The following RPRD1A variants were observed in gnomAD, a reference collection of about 807,000 sequenced individuals.
RPRD1A encodes regulation of nuclear pre-mRNA domain-containing protein 1A.
In RPRD1A, 9 loss-of-function variants were observed where a neutral mutation model predicts 37.8. The ratio of observed to expected loss-of-function variants is 0.24; its 90% CI spans 0.14 to 0.42. RPRD1A has a LOEUF of 0.42. Ranked by LOEUF, RPRD1A falls within the 10% of genes least tolerant of loss-of-function variation. RPRD1A has a pLI of 1.00. For synonymous variants in RPRD1A, 138 were observed against 139.7 expected (o/e 0.99, Z 0.08); for missense variants, 255 against 371.0 (o/e 0.69, Z 2.57).
At chr18:36,049,173 T>C (rs527461739) in intron 1 of RPRD1A, among the ~76,000 whole-genome samples, 21 of 152,348 alleles carry the variant, frequency 1.4e-4, no homozygotes, top group African/African-American at 5.0e-4. Context: ...CCCAAAGTGC[T>C]GGGATTACAG....
chr18:36,060,980 T>C (rs1482542475), intron 1 of RPRD1A, among the ~76,000 whole-genome samples: 1 of 151,826 alleles, frequency 6.6e-6, no homozygotes, highest in East Asian at 1.9e-4. Context: ...AAAAAAAATT[T>C]AGGAAACAAA....
intron 1 of RPRD1A, 43 bp downstream of exon 1, chr18:36,067,211 C>T: frequency 1.3e-6 from 2 of 1,520,524 alleles, no homozygotes; most frequent in East Asian, 2.5e-5. Flanking sequence ...GCCTGGAGGC[C>T]GGCCGGGTGG....
chr18:36,036,112 G>T (rs59649576), intron 1 of RPRD1A, among the ~76,000 whole-genome samples: 39,240 of 151,172 alleles, frequency 0.26, 5,330 homozygotes, highest in African/African-American at 0.35. Context: ...TGTTTTTTTT[G>T]TTTGAGACAA....
At chr18:35,997,899 T>G (rs1909180580) in intron 6 of RPRD1A, among the ~76,000 whole-genome samples, 1 of 152,210 alleles carries the variant, frequency 6.6e-6, no homozygotes, top group South Asian at 2.1e-4. Context: ...AAACTTCAAT[T>G]AGTTAACTAC....
At chr18:36,025,379 A>C (rs1911292487) in intron 6 of RPRD1A, 1 of 311,158 alleles carries the variant, frequency 3.2e-6, no homozygotes, top group Non-Finnish European at 6.2e-6. Flanking sequence ...TCAGCCTCAT[A>C]ATCTATGACT....
rs554914244 is a variant in RPRD1A at position 36,054,126 on chromosome 18, A to G, written c.151+13128T>C. On this transcript the variant is annotated intron_variant, in intron 1 of 6. Transcript: ENST00000399022. Reference sequence around the variant, plus strand: ...TCATCAAGTCATCAGCATATTTATGACAGAAAGTAAAAACACCATATAAAG... The same window carrying G: ...TCATCAAGTCATCAGCATATTTATGGCAGAAAGTAAAAACACCATATAAAG... Among the ~76,000 whole-genome samples the G allele has an allele frequency of 6.2e-4, 94 of 152,310 alleles. No homozygotes were observed. In the South Asian group the frequency reaches 0.017, roughly 28 times the overall value.
chr18:36,030,965 G>GT, intron 3 of RPRD1A, 26 bp downstream of exon 3: 1 of 1,595,096 alleles, frequency 6.3e-7, no homozygotes, highest in Non-Finnish European at 8.6e-7. Flanking sequence ...AGAGATCAAG[G>GT]TAAGAGATCA....
chr18:36,029,283 G>C (rs1911593525), intron 4 of RPRD1A, among the ~76,000 whole-genome samples: 1 of 152,036 alleles, frequency 6.6e-6, no homozygotes, highest in African/African-American at 2.4e-5. Flanking sequence ...CACCTTCATG[G>C]GGGAAAGAGC....
Position 35,991,345 on chromosome 18 carries a change from A to G in RPRD1A, c.*1806T>C, listed in dbSNP as rs1022996983. ...ATAATTGTGCATCTGTCACCTCCCC[A>G]CTTGGCTGAATCTTTTTCTTCCATT... On this transcript the variant is annotated 3_prime_UTR_variant, in exon 7 of 7. Coordinates refer to ENST00000399022, the MANE Select transcript of RPRD1A (RefSeq NM_018170.5). The G allele has an allele frequency of 5.9e-5, 9 of 152,180 alleles. No individual in the cohort carries two copies. Among genetic ancestry groups the G allele is most frequent in the African/African-American group, 2.2e-4 (9 of 41,426 alleles). 9.4% of individuals were successfully genotyped at this position (152,180 alleles called of 1,614,324 possible).
chr18:36,039,782 A>G (rs945917731), intron 1 of RPRD1A, among the ~76,000 whole-genome samples: 1 of 152,210 alleles, frequency 6.6e-6, no homozygotes, highest in African/African-American at 2.4e-5. Flanking sequence ...ATCTATAAAC[A>G]TAAGAACCAT....
chr18:36,008,577 G>GTGTGTGTGTA lies in RPRD1A; in HGVS notation c.790-15278_790-15277insTACACACACA. On this transcript the variant is annotated intron_variant, in intron 6 of 6. Coordinates refer to ENST00000399022, the MANE Select transcript of RPRD1A (RefSeq NM_018170.5). ...GGCGACACAGCAAGACCTTGTGTGT[G>GTGTGTGTGTA]TATATATATATATCTTTAAAAATCT... Among the ~76,000 whole-genome samples, 9 of 47,800 alleles carry GTGTGTGTGTA rather than the reference G, an allele frequency of 1.9e-4. 1 individual carries two copies. The highest frequency in any genetic ancestry group is 2.6e-4 in the Non-Finnish European group (6 of 23,528). The allele number at this position is 47,800 out of a possible 152,430, so 31.4% of individuals were successfully genotyped here.
At chr18:36,018,290 T>TTTTA (rs552760538) in intron 6 of RPRD1A, among the ~76,000 whole-genome samples, 2 of 148,658 alleles carry the variant, frequency 1.3e-5, no homozygotes, top group Non-Finnish European at 3.0e-5. Flanking sequence ...TTTTTTTTTT[T>TTTTA]AAAGAAGGAG....
chr18:36,032,503 C>T (rs1447257012), intron 2 of RPRD1A, among the ~76,000 whole-genome samples: 1 of 152,174 alleles, frequency 6.6e-6, no homozygotes, highest in African/African-American at 2.4e-5. Flanking sequence ...CTTTAGACTT[C>T]ATCTCTAAAA....
At chr18:36,004,174 G>A (rs1317076112) in intron 6 of RPRD1A, among the ~76,000 whole-genome samples, 2 of 151,420 alleles carry the variant, frequency 1.3e-5, no homozygotes, top group Admixed American at 6.6e-5. Flanking sequence ...AGCTAGGAGG[G>A]GTTAAATACA....
chr18:36,011,216 T>C (rs1260003236), intron 6 of RPRD1A, among the ~76,000 whole-genome samples: 1 of 152,124 alleles, frequency 6.6e-6, no homozygotes, highest in Non-Finnish European at 1.5e-5. Context: ...TTATCCCTAT[T>C]TTACAGACAA....
intron 6 of RPRD1A, among the ~76,000 whole-genome samples, chr18:36,021,011 G>T (rs1366045578): frequency 6.6e-6 from 1 of 152,156 alleles, no homozygotes; most frequent in Non-Finnish European, 1.5e-5. Context: ...ATAATTACTT[G>T]TATTATCAAC....
intron 1 of RPRD1A, among the ~76,000 whole-genome samples, chr18:36,050,749 T>C (rs1361901022): frequency 2.0e-5 from 3 of 151,476 alleles, no homozygotes; most frequent in South Asian, 4.2e-4. Flanking sequence ...TTCACCATGC[T>C]GCCCAGGCTG....
chr18:36,061,009 G>A (rs2088897823), intron 1 of RPRD1A, among the ~76,000 whole-genome samples: 1 of 151,810 alleles, frequency 6.6e-6, no homozygotes, highest in Non-Finnish European at 1.5e-5. Context: ...GCATTCAAAG[G>A]CTGACCATTT....
intron 6 of RPRD1A, among the ~76,000 whole-genome samples, chr18:36,001,643 G>A (rs1262894288): frequency 6.6e-6 from 1 of 152,124 alleles, no homozygotes; most frequent in African/African-American, 2.4e-5. Context: ...CTACAGGCCT[G>A]CTCAGATCCT....
Sources: allele counts gnomAD v4.1 joint callset (sites outside exome capture counted in the v4.1 genomes callset), GRCh38; gene constraint gnomAD v4.1.1; transcripts MANE v1.5; gene names NCBI Gene and HGNC (gene_info 2026-07-23, HGNC 2026-07-21).